Variants in METTL15 observed in about 807,000 individuals in gnomAD.
The protein encoded by METTL15 is 12S rRNA N(4)-cytidine methyltransferase METTL15.
METTL15 carries 34 observed loss-of-function variants against 38.3 expected under a neutral mutation model. The observed-to-expected ratio is 0.89, with a 90% CI of 0.68 to 1.18. METTL15 has a LOEUF of 1.18. Ranked by LOEUF, METTL15 falls within the 50% of genes most tolerant of loss-of-function variation. METTL15 has a pLI of 0.00. For synonymous variants in METTL15, 162 were observed against 170.9 expected (o/e 0.95, Z 0.41); for missense variants, 438 against 498.4 (o/e 0.88, Z 1.15).
rs116330442 is a variant in METTL15, at chr11:28,410,749, A to G, written c.*359-13550A>G. ...CCTGCTTTCACCACTTCCATTCAAC[A>G]TAGTACTGGAAATACTGGCAAGAAA... On this transcript the variant is annotated intron_variant and NMD_transcript_variant, in intron 5 of 7. Transcript: ENST00000532947. 4.4e-3 allele frequency: 673 copies of G among 152,204 alleles called. 10 individuals carry two copies. Among genetic ancestry groups the G allele is most frequent in the African/African-American group, 0.015 (640 of 41,542 alleles). The allele number at this position is 152,204 out of a possible 1,614,324, so 9.4% of individuals were successfully genotyped here.
intron 6 of METTL15, among the ~76,000 whole-genome samples, chr11:28,313,815 T>C (rs930125892): frequency 3.3e-5 from 5 of 152,118 alleles, no homozygotes; most frequent in African/African-American, 1.2e-4. Flanking sequence ...AAAAGCTATA[T>C]AATAAATAAT....
intron 5 of METTL15, among the ~76,000 whole-genome samples, chr11:28,381,485 A>G (rs1033216382): frequency 6.6e-6 from 1 of 152,122 alleles, no homozygotes; most frequent in African/African-American, 2.4e-5. Context: ...GTACACAAAT[A>G]ATTCTTAGCA....
intron 6 of METTL15, among the ~76,000 whole-genome samples, chr11:28,470,231 C>G (rs192189537): frequency 5.3e-5 from 8 of 152,236 alleles, no homozygotes; most frequent in Admixed American, 3.3e-4. Flanking sequence ...AGTCCTCTTA[C>G]CCCCTTATAC....
At chr11:28,312,228 TAA>T (rs1169457753) in intron 6 of METTL15, among the ~76,000 whole-genome samples, 2 of 152,224 alleles carry the variant, frequency 1.3e-5, no homozygotes, top group Non-Finnish European at 2.9e-5. Flanking sequence ...AATTATAATT[TAA>T]GTTATGATTG....
chr11:28,397,036 A>G (rs1045483122), intron 5 of METTL15, among the ~76,000 whole-genome samples: 2 of 152,190 alleles, frequency 1.3e-5, no homozygotes, highest in Non-Finnish European at 2.9e-5. Flanking sequence ...CTGGCTAGCC[A>G]TATGTAGAAA....
chr11:28,430,225 T>TG (rs1409749697), intron 6 of METTL15, among the ~76,000 whole-genome samples: 408 of 129,642 alleles, frequency 3.1e-3, no homozygotes, highest in South Asian at 0.012. Flanking sequence ...GGGAGGGAGG[T>TG]GGGGGGGGTC....
chr11:28,527,505 T>C (rs1851820241), downstream of METTL15, among the ~76,000 whole-genome samples: 1 of 152,220 alleles, frequency 6.6e-6, no homozygotes, highest in Admixed American at 6.5e-5. Flanking sequence ...GGTGATTCAA[T>C]GGACATCAAA....
chr11:28,259,505 C>T (rs982841680), intron 4 of METTL15, among the ~76,000 whole-genome samples: 1 of 152,056 alleles, frequency 6.6e-6, no homozygotes, highest in Non-Finnish European at 1.5e-5. Flanking sequence ...ATGTAGGGGC[C>T]CAGAGCTCTT....
downstream of METTL15, among the ~76,000 whole-genome samples, chr11:28,334,033 T>G (rs1387693452): frequency 6.6e-6 from 1 of 151,914 alleles, no homozygotes. Flanking sequence ...ATTTGAAATC[T>G]GTCATTCAAA....
At chr11:28,287,630 G>GT (rs1320414287) in intron 4 of METTL15, 1 of 194,968 alleles carries the variant, frequency 5.1e-6, no homozygotes, top group African/African-American at 2.3e-5. Context: ...CACCATTGTG[G>GT]TGGCGTGGAA....
intron 6 of METTL15, among the ~76,000 whole-genome samples, chr11:28,502,701 C>G (rs1851595048): frequency 6.6e-6 from 1 of 151,904 alleles, no homozygotes; most frequent in African/African-American, 2.4e-5. Context: ...ATTTTTTTCC[C>G]TTTTCTCTGA....
chr11:28,222,004 A>T (rs958479301), intron 4 of METTL15, among the ~76,000 whole-genome samples: 69 of 152,116 alleles, frequency 4.5e-4, no homozygotes, highest in Non-Finnish European at 1.0e-4. Flanking sequence ...GGGGTCAGGG[A>T]CCCACTTGAG....
intron 5 of METTL15, among the ~76,000 whole-genome samples, chr11:28,375,410 G>C (rs981793842): frequency 4.6e-5 from 7 of 151,844 alleles, no homozygotes; most frequent in East Asian, 3.9e-4. Context: ...TGTATGTGTC[G>C]AGGAATTTAT....
chr11:28,369,000 C>G (rs191437638), intron 5 of METTL15, among the ~76,000 whole-genome samples: 1 of 151,780 alleles, frequency 6.6e-6, no homozygotes, highest in African/African-American at 2.4e-5. Flanking sequence ...TGGGGCCTGT[C>G]AGAGGGTGGG....
chr11:28,139,169 A>G (rs752672858), intron 3 of METTL15, among the ~76,000 whole-genome samples: 1 of 152,096 alleles, frequency 6.6e-6, no homozygotes, highest in Non-Finnish European at 1.5e-5. Flanking sequence ...AACTTTTCCT[A>G]CTTTGGGGGA....
intron 5 of METTL15, among the ~76,000 whole-genome samples, chr11:28,295,666 A>G (rs964490738): frequency 1.6e-4 from 24 of 152,146 alleles, no homozygotes; most frequent in African/African-American, 5.8e-4. Context: ...AGAGACATCA[A>G]GAGAGATGAA....
At chr11:28,430,034 C>T (rs935612990) in intron 6 of METTL15, among the ~76,000 whole-genome samples, 4 of 144,664 alleles carry the variant, frequency 2.8e-5, no homozygotes, top group African/African-American at 1.0e-4. Flanking sequence ...TGAGGAGCGC[C>T]TCTGCCCGGC....
chr11:28,235,063 C>A (rs1423505922), intron 4 of METTL15, among the ~76,000 whole-genome samples: 4 of 152,192 alleles, frequency 2.6e-5, no homozygotes, highest in East Asian at 1.9e-4. Flanking sequence ...TAAATAGGGA[C>A]TCCTTTCTCC....
At chr11:28,449,737 A>T (rs1851104833) in intron 6 of METTL15, among the ~76,000 whole-genome samples, 1 of 152,136 alleles carries the variant, frequency 6.6e-6, no homozygotes, top group South Asian at 2.1e-4. Context: ...TTGCTTCTTC[A>T]TCTGGGAGCC....
Sources: allele counts gnomAD v4.1 joint callset (sites outside exome capture counted in the v4.1 genomes callset), GRCh38; gene constraint gnomAD v4.1.1; transcripts MANE v1.5; gene names NCBI Gene and HGNC (gene_info 2026-07-23, HGNC 2026-07-21).